The following RGS6 variants were observed in gnomAD, a reference collection of about 807,000 sequenced individuals.
RGS6 encodes the protein regulator of G-protein signaling 6.
In RGS6, 30 loss-of-function variants were observed where a neutral mutation model predicts 78.5. That is an observed-to-expected ratio of 0.38 (90% confidence interval 0.29 to 0.52). The LOEUF (loss-of-function observed/expected upper bound fraction) is 0.52, where lower values mean the gene tolerates loss of function less well. RGS6 is among the 20% of genes least tolerant of loss of function. RGS6 has a pLI of 0.85. For missense variants in RGS6, 495 were observed against 609.7 expected, an observed-to-expected ratio of 0.81 and a Z score of 1.98; for synonymous variants, 206 against 206.0, an observed-to-expected ratio of 1.00 and a Z score of 0.00.
intron 2 of RGS6, among the ~76,000 whole-genome samples, chr14:72,048,250 A>G (rs1041202225): frequency 1.3e-5 from 2 of 152,150 alleles, no homozygotes; most frequent in African/African-American, 4.8e-5. Flanking sequence ...TTAAACTTGA[A>G]TTTCTATCAA....
the RGS6 span, among the ~76,000 whole-genome samples, chr14:72,609,607 G>C: frequency 6.6e-6 from 1 of 152,166 alleles, no homozygotes; most frequent in Non-Finnish European, 1.5e-5. Flanking sequence ...GTGGGAACCT[G>C]ACACACGTGG....
chr14:72,194,371 A>G (rs2039491772), intron 2 of RGS6, among the ~76,000 whole-genome samples: 2 of 152,092 alleles, frequency 1.3e-5, no homozygotes, highest in African/African-American at 4.8e-5. Flanking sequence ...TTATTATTTT[A>G]TTTTTATTTA....
At chr14:72,617,322 AC>A in the RGS6 span, among the ~76,000 whole-genome samples, 10 of 152,168 alleles carry the variant, frequency 6.6e-5, no homozygotes, top group African/African-American at 1.7e-4. Flanking sequence ...GACGCTCAAA[AC>A]CAATTATTAG....
chr14:72,251,747 C>T (rs557427874), intron 2 of RGS6, among the ~76,000 whole-genome samples: 3 of 152,232 alleles, frequency 2.0e-5, no homozygotes, highest in African/African-American at 7.2e-5. Context: ...GAAAAACTAC[C>T]CATTGGGTAC....
At chr14:72,322,094 C>T (rs1024099682) in intron 2 of RGS6, among the ~76,000 whole-genome samples, 14 of 151,896 alleles carry the variant, frequency 9.2e-5, no homozygotes, top group South Asian at 2.1e-4. Flanking sequence ...AATTTGTATA[C>T]GTAAGTACTT....
chr14:72,176,961 T>G (rs1477233167), intron 2 of RGS6, among the ~76,000 whole-genome samples: 1 of 152,192 alleles, frequency 6.6e-6, no homozygotes. Flanking sequence ...TTTTGCCTGT[T>G]CTTTAACTTA....
At chr14:72,532,965 C>T (rs1360378432) in intron 15 of RGS6, among the ~76,000 whole-genome samples, 1 of 152,242 alleles carries the variant, frequency 6.6e-6, no homozygotes, top group Non-Finnish European at 1.5e-5. Flanking sequence ...TAGCTAAGAT[C>T]ATTGATGAAG....
At chr14:72,513,965 T>C (rs890287538) in intron 14 of RGS6, 1 of 152,234 alleles carries the variant, frequency 6.6e-6, no homozygotes, top group Non-Finnish European at 1.5e-5. Flanking sequence ...TCGAGAGCTC[T>C]TGTCTCTGGC....
intron 14 of RGS6, chr14:72,513,837 AT>A (rs1009320018): frequency 6.6e-6 from 1 of 152,224 alleles, no homozygotes; most frequent in Non-Finnish European, 1.5e-5. Flanking sequence ...GAGCTGTAAC[AT>A]CTCCTGAGAG....
chr14:72,169,298 G>A (rs1030270674), intron 2 of RGS6, among the ~76,000 whole-genome samples: 1 of 152,108 alleles, frequency 6.6e-6, no homozygotes, highest in Non-Finnish European at 1.5e-5. Flanking sequence ...TGTGTGTTAG[G>A]GGTTAATGTA....
chr14:72,063,889 G>A (rs1252609029), intron 2 of RGS6, among the ~76,000 whole-genome samples: 1 of 152,046 alleles, frequency 6.6e-6, no homozygotes, highest in Admixed American at 6.6e-5. Flanking sequence ...TCATTTCTAG[G>A]AGTAGGAGTG....
At chr14:72,362,612 T>A (rs774287962) in intron 3 of RGS6, among the ~76,000 whole-genome samples, 2 of 152,210 alleles carry the variant, frequency 1.3e-5, no homozygotes, top group African/African-American at 2.4e-5. Context: ...ATAGGTTAGA[T>A]TGGGCTTCTT....
chr14:72,362,836 A>G (rs562426984), intron 3 of RGS6, among the ~76,000 whole-genome samples: 2 of 152,322 alleles, frequency 1.3e-5, no homozygotes, highest in South Asian at 4.1e-4. Flanking sequence ...GGGAGACACG[A>G]TTCATTGGAG....
chr14:72,333,409 T>C (rs2075431895), intron 2 of RGS6, among the ~76,000 whole-genome samples: 1 of 152,158 alleles, frequency 6.6e-6, no homozygotes, highest in African/African-American at 2.4e-5. Context: ...TGCGTTGGTA[T>C]CTCACTGGGA....
chr14:71,990,776 A>G (rs769811627), intron 2 of RGS6: 2 of 455,912 alleles, frequency 4.4e-6, no homozygotes, highest in Admixed American at 2.4e-5. Context: ...CCAAATGCCT[A>G]TATCCAGCTA....
the RGS6 span, among the ~76,000 whole-genome samples, chr14:71,869,879 A>C: frequency 6.6e-6 from 1 of 152,248 alleles, no homozygotes; most frequent in South Asian, 2.1e-4. Flanking sequence ...GAGTCTGATC[A>C]CCTTTTACTC....
At chr14:72,610,219 G>A in the RGS6 span, among the ~76,000 whole-genome samples, 1 of 152,234 alleles carries the variant, frequency 6.6e-6, no homozygotes, top group Non-Finnish European at 1.5e-5. Context: ...AGCAATTGGA[G>A]ATCTCAGTGT....
At chr14:72,015,208 A>C (rs2086693181) in intron 2 of RGS6, among the ~76,000 whole-genome samples, 1 of 152,190 alleles carries the variant, frequency 6.6e-6, no homozygotes, top group Non-Finnish European at 1.5e-5. Context: ...AGCAGATCAC[A>C]TTTCAGGAGG....
At chr14:72,220,119 A>C (rs2153789642) in intron 2 of RGS6, among the ~76,000 whole-genome samples, 1 of 152,372 alleles carries the variant, frequency 6.6e-6, no homozygotes, top group African/African-American at 2.4e-5. Context: ...TCAAGAATGC[A>C]ATCCCATTCA....
Sources: gnomAD v4.1 joint callset for allele counts (sites outside exome capture counted in the v4.1 genomes callset) on GRCh38, gnomAD v4.1.1 for gene constraint, MANE v1.5 for transcripts, NCBI Gene and HGNC (gene_info 2026-07-23, HGNC 2026-07-21) for gene names.